Variants in ZBED4 observed in about 807,000 individuals in gnomAD.
The protein encoded by ZBED4 is zinc finger BED domain-containing protein 4.
A neutral mutation model predicts 15.5 loss-of-function variants in ZBED4; 4 were observed. The observed-to-expected ratio is 0.26, with a 90% CI of 0.13 to 0.59. The LOEUF is 0.59. Ranked by LOEUF, ZBED4 falls within the 20% of genes least tolerant of loss-of-function variation. ZBED4 has a pLI of 0.90. For missense variants in ZBED4, 1,323 were observed against 1,461.8 expected, an observed-to-expected ratio of 0.91 and a Z score of 1.55; for synonymous variants, 692 against 608.5, an observed-to-expected ratio of 1.14 and a Z score of -2.02.
intron 1 of ZBED4, among the ~76,000 whole-genome samples, chr22:49,865,507 T>A (rs1295365792): frequency 6.6e-6 from 1 of 150,394 alleles, no homozygotes; most frequent in Admixed American, 6.6e-5. Context: ...AAAAAAAAAA[T>A]AATAACCCGT....
At chr22:49,881,623 C>G (rs983654010) in intron 1 of ZBED4, among the ~76,000 whole-genome samples, 3 of 152,164 alleles carry the variant, frequency 2.0e-5, no homozygotes, top group African/African-American at 4.8e-5. Flanking sequence ...AGTGATCGTC[C>G]CATCTCAGCC....
intron 1 of ZBED4, among the ~76,000 whole-genome samples, chr22:49,863,422 A>G (rs1388500032): frequency 6.6e-6 from 1 of 152,184 alleles, no homozygotes; most frequent in African/African-American, 2.4e-5. Flanking sequence ...AGGTCAAGAG[A>G]TTGATACCAT....
intron 1 of ZBED4, among the ~76,000 whole-genome samples, chr22:49,869,055 C>T (rs2060333968): frequency 6.9e-6 from 1 of 145,376 alleles, no homozygotes; most frequent in Admixed American, 7.0e-5. Context: ...ACCCAGGAGG[C>T]GGAGGTTGGG....
intron 1 of ZBED4, among the ~76,000 whole-genome samples, chr22:49,865,749 GAAGGACT>G (rs1188109091): frequency 6.6e-6 from 1 of 152,136 alleles, no homozygotes; most frequent in Non-Finnish European, 1.5e-5. Context: ...GATCTCTCAG[GAAGGACT>G]CATGGAACAA....
chr22:49,862,489 G>A (rs1374198357), intron 1 of ZBED4, among the ~76,000 whole-genome samples: 1 of 152,124 alleles, frequency 6.6e-6, no homozygotes, highest in African/African-American at 2.4e-5. Context: ...TCAGTGTCTA[G>A]CGTAATGAGT....
At chr22:49,868,299 A>G (rs2060330908) in intron 1 of ZBED4, among the ~76,000 whole-genome samples, 2 of 152,352 alleles carry the variant, frequency 1.3e-5, no homozygotes, top group South Asian at 4.1e-4. Context: ...TGAGCTTACT[A>G]TATTTCAAAT....
rs58224171 is a variant in ZBED4 at position 49,871,757 on chromosome 22, A to ATT, written c.-329-11563_-329-11562dup. Among the ~76,000 whole-genome samples the ATT allele has an allele frequency of 8.4e-3, 522 of 62,164 alleles. 13 individuals carry two copies. In the East Asian group the frequency reaches 0.12, roughly 15 times the overall value. The allele number at this position is 62,164 out of a possible 152,430, so 40.8% of individuals were successfully genotyped here. ...GCTGTGACAATTTATTTATTTATTT[A>ATT]TTTTTTTTTTTTTTTGAGACAGAGT... On this transcript the variant is annotated intron_variant, in intron 1 of 1. Transcript: ENST00000216268.
intron 1 of ZBED4, among the ~76,000 whole-genome samples, chr22:49,875,586 A>G (rs2060372334): frequency 6.6e-6 from 1 of 151,358 alleles, no homozygotes; most frequent in Non-Finnish European, 1.5e-5. Flanking sequence ...ACGCCCGGCT[A>G]ATTTTTGTAT....
intron 1 of ZBED4, among the ~76,000 whole-genome samples, chr22:49,873,152 T>C (rs1396230994): frequency 6.6e-6 from 1 of 152,200 alleles, no homozygotes; most frequent in Non-Finnish European, 1.5e-5. Context: ...GAACTTTCCT[T>C]TGCATTCACG....
At chr22:49,879,041 A>G (rs1339915395) in intron 1 of ZBED4, among the ~76,000 whole-genome samples, 1 of 149,128 alleles carries the variant, frequency 6.7e-6, no homozygotes, top group East Asian at 2.1e-4. Context: ...GTTACTCAGG[A>G]GGCTGAGGCA....
intron 1 of ZBED4, among the ~76,000 whole-genome samples, chr22:49,865,540 T>C (rs2060318604): frequency 6.6e-6 from 1 of 151,442 alleles, no homozygotes; most frequent in South Asian, 2.1e-4. Flanking sequence ...ACAGGTGTGG[T>C]GGCAGGCACC....
In ZBED4 at chr22:49,871,668, CTGCTGACCAATCAGAGTGCAGAT is replaced by C. The variant is rs1336752313; in HGVS notation, c.-329-11636_-329-11614del. 4.5e-4 allele frequency among the ~76,000 whole-genome samples: 68 copies of C among 152,070 alleles called. 1 individual carries two copies. The Middle Eastern group carries it at 0.014, about 30-fold the overall frequency. On this transcript the variant is annotated intron_variant, in intron 1 of 1. Transcript: ENST00000216268. ...GGAGATGTTGCCTTGGTGTCCAGGGCTGCTGACCAATCAGAGTGCAGATTGCTGACCAATCAGAGTGCAGATTG... is the reference window on the plus strand; with the variant it reads ...GGAGATGTTGCCTTGGTGTCCAGGGCTGCTGACCAATCAGAGTGCAGATTG...
At chr22:49,863,098 G>A (rs1336287675) in intron 1 of ZBED4, among the ~76,000 whole-genome samples, 1 of 152,128 alleles carries the variant, frequency 6.6e-6, no homozygotes, top group Non-Finnish European at 1.5e-5. Context: ...TGCATCTCAC[G>A]GTCTAGATTT....
chr22:49,884,700 G>C lies in ZBED4; in HGVS notation c.1038G>C (p.Thr346=), dbSNP rs571576115. ...RAIVLQENGG[T]GIPPLYSTPP... ...TCGTGTTGCAGGAGAACGGGGGCAC[G>C]GGCATCCCGCCACTGTACTCCACCC... Residue 346 remains threonine (T), a synonymous_variant, in exon 2 of 2, where the codon ACG becomes ACC. Coordinates refer to ENST00000216268, the MANE Select transcript of ZBED4 (RefSeq NM_014838.3). 3.8e-6 allele frequency: 6 copies of C among 1,598,646 alleles called. No individual in the cohort carries two copies. In the Admixed American group the frequency reaches 1.0e-4, roughly 27 times the overall value.
chr22:49,872,096 A>C lies in ZBED4; in HGVS notation c.-329-11238A>C, dbSNP rs1038088655. ...GTTTGCTACATCGATTAACTCTTCT[A>C]TGAAAGAGTTCTCCATAGTGTACAT... On this transcript the variant is annotated intron_variant, in intron 1 of 1. Coordinates refer to ENST00000216268, the MANE Select transcript of ZBED4 (RefSeq NM_014838.3). Among the ~76,000 whole-genome samples the C allele has an allele frequency of 2.0e-5, 3 of 152,330 alleles. No homozygotes were observed. In the South Asian group the frequency reaches 6.2e-4, roughly 32 times the overall value.
In ZBED4 at chr22:49,888,814, G is replaced by C. The variant is rs908430393; in HGVS notation, c.*1636G>C. The C allele has an allele frequency of 1.2e-5, 2 of 167,202 alleles. No homozygotes were observed. The highest frequency in any genetic ancestry group is 2.9e-5 in the Non-Finnish European group (2 of 68,166). The allele number at this position is 167,202 out of a possible 1,614,324, so 10.4% of individuals were successfully genotyped here. A position where few individuals can be genotyped will look rare whatever the true frequency, so the allele number is the denominator to read the frequency against. The stretch of plus-strand genomic sequence containing the variant: ...GGAGTGCTGGTCAGGGACAGTGCCC[G>C]TGAGGCTGCAGAGGAGGTGGGGTCC... On this transcript the variant is annotated 3_prime_UTR_variant, in exon 2 of 2. Transcript: ENST00000216268.
chr22:49,869,436 T>A (rs988965695), intron 1 of ZBED4, among the ~76,000 whole-genome samples: 1 of 152,226 alleles, frequency 6.6e-6, no homozygotes, highest in Non-Finnish European at 1.5e-5. Context: ...CACTCTTGCG[T>A]GGACTTTAGT....
intron 1 of ZBED4, among the ~76,000 whole-genome samples, chr22:49,855,721 T>G (rs1476812655): frequency 6.6e-6 from 1 of 152,170 alleles, no homozygotes; most frequent in African/African-American, 2.4e-5. Context: ...TGGCTTTAGC[T>G]TCTGGTCTCA....
intron 1 of ZBED4, among the ~76,000 whole-genome samples, chr22:49,875,119 A>G (rs950081850): frequency 1.1e-4 from 17 of 152,084 alleles, no homozygotes; most frequent in African/African-American, 3.1e-4. Context: ...TAGGGTATCA[A>G]GTTGTTTCTT....
Sources: gnomAD v4.1 joint callset for allele counts (sites outside exome capture counted in the v4.1 genomes callset) on GRCh38, gnomAD v4.1.1 for gene constraint, MANE v1.5 for transcripts, NCBI Gene and HGNC (gene_info 2026-07-23, HGNC 2026-07-21) for gene names.